Variants in SFXN5 observed in about 807,000 individuals in gnomAD.
SFXN5 encodes the protein sideroflexin-5.
In SFXN5, 43 loss-of-function variants were observed where a neutral mutation model predicts 50.2. That is an observed-to-expected ratio of 0.86 (90% CI 0.67 to 1.11). SFXN5 has a LOEUF of 1.11. Ranked by LOEUF, SFXN5 falls within the 50% of genes least tolerant of loss-of-function variation. The pLI is 0.00. For synonymous variants in SFXN5, 203 were observed against 185.8 expected, an observed-to-expected ratio of 1.09 and a Z score of -0.75; for missense variants, 463 against 454.1, an observed-to-expected ratio of 1.02 and a Z score of -0.18.
At chr2:73,016,136 A>G (rs1029470989) in intron 6 of SFXN5, among the ~76,000 whole-genome samples, 2 of 152,022 alleles carry the variant, frequency 1.3e-5, no homozygotes, top group East Asian at 1.9e-4. Flanking sequence ...GTTTATTTGT[A>G]TCTTCTCTCT....
chr2:73,034,294 G>A (rs1242365719), intron 3 of SFXN5, among the ~76,000 whole-genome samples: 2 of 152,244 alleles, frequency 1.3e-5, no homozygotes, highest in Admixed American at 6.5e-5. Flanking sequence ...GATGCTAGGA[G>A]TCAGGGTAAG....
chr2:73,000,177 A>G (rs1214999978), intron 8 of SFXN5, among the ~76,000 whole-genome samples: 3 of 152,192 alleles, frequency 2.0e-5, no homozygotes, highest in African/African-American at 7.2e-5. Flanking sequence ...GCTCCCATTT[A>G]ATGGGCCTTC....
In SFXN5 at chr2:73,071,701, GC is replaced by G; in HGVS notation, c.4del (p.Ala2ArgfsTer119). On this transcript the variant is annotated frameshift_variant, in exon 1 of 14. Transcript: ENST00000272433. LOFTEE classifies it high-confidence loss of function. M[A>X]DTATTASAAA... ...CGCCGATGCTGTAGTCGCTGTATCCGCCATGGCCACTGACGCCCGCAATCTC... is the reference window on the plus strand; with the variant it reads ...CGCCGATGCTGTAGTCGCTGTATCCGCATGGCCACTGACGCCCGCAATCTC... The G allele has an allele frequency of 1.2e-6, 2 of 1,612,282 alleles. No homozygotes were observed. The highest frequency in any genetic ancestry group is 1.7e-6 in the Non-Finnish European group (2 of 1,179,666).
At position 73,001,553 on chromosome 2, in the gene SFXN5, T is replaced by G. The variant is rs1442120476; in HGVS notation, c.383A>C (p.Gln128Pro). Residue 128 changes from glutamine (Q) to proline (P), a missense_variant, in exon 7 of 14, where the codon CAG becomes CCG. Gln to Pro is a moderately conservative substitution (Grantham distance 76). Coordinates refer to ENST00000272433, the MANE Select transcript of SFXN5 (RefSeq NM_144579.3). Reference sequence around the variant, plus strand: ...CCAGAAGACAGTGGATGCCAGTGTCTGGTTGGGCAAGAGAAGACCGACTAC... The same window carrying G: ...CCAGAAGACAGTGGATGCCAGTGTCGGGTTGGGCAAGAGAAGACCGACTAC... ...PIVVGLLLPN[Q>P]TLASTVFWQW... The G allele has an allele frequency of 6.2e-7, 1 of 1,614,174 alleles. No individual in the cohort carries two copies.
intron 3 of SFXN5, among the ~76,000 whole-genome samples, chr2:73,032,025 T>C (rs947455885): frequency 6.6e-6 from 1 of 152,190 alleles, no homozygotes; most frequent in African/African-American, 2.4e-5. Context: ...TAGGACCTGC[T>C]GGATTAAATG....
At chr2:73,030,774 C>A (rs1309633992) in intron 3 of SFXN5, among the ~76,000 whole-genome samples, 1 of 152,104 alleles carries the variant, frequency 6.6e-6, no homozygotes, top group Non-Finnish European at 1.5e-5. Context: ...TATCTTTCTG[C>A]TATTACAAAT....
At chr2:73,043,886 A>T (rs1679960010) in intron 2 of SFXN5, among the ~76,000 whole-genome samples, 1 of 152,182 alleles carries the variant, frequency 6.6e-6, no homozygotes, top group Non-Finnish European at 1.5e-5. Flanking sequence ...TGTTGTTTCA[A>T]CTTGCTTAAG....
At chr2:72,980,252 T>C (rs1671123432) in intron 10 of SFXN5, among the ~76,000 whole-genome samples, 1 of 151,994 alleles carries the variant, frequency 6.6e-6, no homozygotes, top group Non-Finnish European at 1.5e-5. Flanking sequence ...ACCCTAAACT[T>C]TACCCCCTCC....
intron 1 of SFXN5, chr2:73,059,839 C>A: frequency 4.1e-6 from 4 of 964,746 alleles, no homozygotes; most frequent in Non-Finnish European, 4.9e-6. Flanking sequence ...AGAATGTAGT[C>A]TAAGGAAACA....
intron 3 of SFXN5, among the ~76,000 whole-genome samples, chr2:73,036,939 G>A (rs1399155152): frequency 2.0e-5 from 3 of 152,212 alleles, no homozygotes; most frequent in African/African-American, 7.2e-5. Context: ...GACTCAGCAC[G>A]CAGTGCACAC....
intron 3 of SFXN5, among the ~76,000 whole-genome samples, chr2:73,023,605 G>A (rs1677185520): frequency 6.6e-6 from 1 of 152,198 alleles, no homozygotes; most frequent in Admixed American, 6.5e-5. Flanking sequence ...AGAATCACTA[G>A]TGACAGCATA....
intron 3 of SFXN5, among the ~76,000 whole-genome samples, chr2:73,031,137 T>C (rs1678248627): frequency 6.6e-6 from 1 of 152,184 alleles, no homozygotes; most frequent in Non-Finnish European, 1.5e-5. Flanking sequence ...TTGTCCATAG[T>C]CATAGAACAG....
chr2:73,021,932 C>T (rs1483829175), intron 5 of SFXN5, among the ~76,000 whole-genome samples: 1 of 152,236 alleles, frequency 6.6e-6, no homozygotes. Flanking sequence ...CCTTCAGTGA[C>T]CAGTGGGATT....
chr2:72,984,927 G>A (rs1671719812), intron 10 of SFXN5, among the ~76,000 whole-genome samples: 1 of 152,156 alleles, frequency 6.6e-6, no homozygotes, highest in African/African-American at 2.4e-5. Context: ...AGCTGGCAGA[G>A]CCTTGGGAAG....
intron 2 of SFXN5, among the ~76,000 whole-genome samples, chr2:73,055,448 T>C (rs1323253554): frequency 6.6e-6 from 1 of 152,232 alleles, no homozygotes; most frequent in African/African-American, 2.4e-5. Flanking sequence ...TGAGTTAATC[T>C]GATAAGTTAA....
intron 3 of SFXN5, among the ~76,000 whole-genome samples, chr2:73,036,333 G>C (rs1433348452): frequency 2.0e-5 from 3 of 152,168 alleles, no homozygotes; most frequent in African/African-American, 7.2e-5. Flanking sequence ...GCTGGTGCTG[G>C]GGGAGCCAGG....
chr2:73,010,105 A>G (rs547816674), intron 6 of SFXN5, among the ~76,000 whole-genome samples: 17 of 152,358 alleles, frequency 1.1e-4, no homozygotes, highest in African/African-American at 3.6e-4. Context: ...GAATATTTAT[A>G]AAAGTTATTA....
intron 2 of SFXN5, among the ~76,000 whole-genome samples, chr2:73,045,573 C>T (rs1160017374): frequency 2.0e-5 from 3 of 151,850 alleles, no homozygotes; most frequent in African/African-American, 7.3e-5. Flanking sequence ...GGCAGTGGGG[C>T]GTGCAGGATG....
At position 73,046,447 on chromosome 2, in the gene SFXN5, G is replaced by C. The variant is rs986304568; in HGVS notation, c.172-5516C>G. On this transcript the variant is annotated intron_variant, in intron 2 of 13. Transcript: ENST00000272433. The stretch of plus-strand genomic sequence containing the variant: ...AAAGTAATATGTCTAAGGCTATTTT[G>C]TCCAGGAAAGCAAAAGATAGGAAAC... 2.0e-5 allele frequency among the ~76,000 whole-genome samples: 3 copies of C among 150,356 alleles called. No individual in the cohort carries two copies. In the East Asian group the frequency reaches 5.9e-4, roughly 30 times the overall value.
Sources: gnomAD v4.1 joint callset for allele counts (sites outside exome capture counted in the v4.1 genomes callset) on GRCh38, gnomAD v4.1.1 for gene constraint, MANE v1.5 for transcripts, NCBI Gene and HGNC (gene_info 2026-07-23, HGNC 2026-07-21) for gene names.